The following DCT variants were observed in gnomAD, a reference collection of about 807,000 sequenced individuals.
DCT encodes the protein L-dopachrome tautomerase.
A neutral mutation model predicts 53.0 loss-of-function variants in DCT; 47 were observed. That is an observed-to-expected ratio of 0.89 (90% CI 0.70 to 1.13). The LOEUF (loss-of-function observed/expected upper bound fraction) is 1.13, where lower values mean the gene tolerates loss of function less well. Ranked by LOEUF, DCT falls within the 50% of genes most tolerant of loss-of-function variation. DCT has a pLI of 0.00. For missense variants in DCT, 669 were observed against 637.4 expected (o/e 1.05, Z -0.53); for synonymous variants, 244 against 237.0 (o/e 1.03, Z -0.27).
At chr13:94,503,874 A>G in the DCT span, among the ~76,000 whole-genome samples, 7 of 152,278 alleles carry the variant, frequency 4.6e-5, no homozygotes, top group African/African-American at 1.7e-4. Context: ...TGCTCATACA[A>G]TTTTCAAGTG....
chr13:94,518,655 A>G, the DCT span, among the ~76,000 whole-genome samples: 11 of 152,218 alleles, frequency 7.2e-5, no homozygotes, highest in African/African-American at 2.7e-4. Context: ...GACCTGGGAC[A>G]ATAGCCTCTG....
At chr13:94,463,245 T>C (rs1025651566) in intron 4 of DCT, among the ~76,000 whole-genome samples, 1 of 151,546 alleles carries the variant, frequency 6.6e-6, no homozygotes, top group Non-Finnish European at 1.5e-5. Context: ...CAAGCAATCC[T>C]CCTGCCTCAG....
At chr13:94,460,030 A>T in intron 6 of DCT, 61 bp downstream of exon 6, 1 of 1,520,760 alleles carries the variant, frequency 6.6e-7, no homozygotes, top group Non-Finnish European at 9.1e-7. Context: ...TAATTGTATG[A>T]AAAAATAAAT....
chr13:94,483,703 T>C (rs1241221406), upstream of DCT, among the ~76,000 whole-genome samples: 4 of 152,124 alleles, frequency 2.6e-5, no homozygotes, highest in East Asian at 1.9e-4. Context: ...AGTTTCACCA[T>C]GTTGGCCAGG....
chr13:94,494,582 T>A, the DCT span, among the ~76,000 whole-genome samples: 1 of 152,166 alleles, frequency 6.6e-6, no homozygotes, highest in Non-Finnish European at 1.5e-5. Flanking sequence ...AACCCTTTAC[T>A]CGCTAGCCTC....
the DCT span, among the ~76,000 whole-genome samples, chr13:94,503,734 A>C: frequency 1.3e-5 from 2 of 152,224 alleles, no homozygotes; most frequent in African/African-American, 4.8e-5. Context: ...CCTTGATTTC[A>C]GACTTCTGGC....
In DCT at chr13:94,443,437, T is replaced by C. The variant is rs749533562; in HGVS notation, c.1380A>G (p.Pro460=). The change falls in exon 7 of 8, where the codon CCA becomes CCG. Residue 460 remains proline (P), a splice_region_variant and synonymous_variant. Coordinates refer to ENST00000377028, the MANE Select transcript of DCT (RefSeq NM_001922.5). ...QLGYSYAIDL[P]VSVEETPGWP... is the part of the protein sequence containing the mutation. ...CCATTTGGAAGTTGTGTTAGTTACCTGGCAGATCGATGGCATAGCTGTAGC... is the reference window on the plus strand; with the variant it reads ...CCATTTGGAAGTTGTGTTAGTTACCCGGCAGATCGATGGCATAGCTGTAGC... 5.6e-6 allele frequency: 9 copies of C among 1,609,916 alleles called. No individual in the cohort carries two copies. The highest frequency in any genetic ancestry group is 1.7e-5 in the Admixed American group (1 of 59,992).
chr13:94,439,660 C>A lies in DCT; in HGVS notation c.*238G>T. The A allele has an allele frequency of 3.2e-6, 1 of 315,856 alleles. No homozygotes were observed. Among genetic ancestry groups the A allele is most frequent in the Non-Finnish European group, 5.8e-6 (1 of 173,368 alleles). 19.6% of individuals were successfully genotyped at this position (315,856 alleles called of 1,614,324 possible). ...GTTATTATTAGATATCACAAATTGT[C>A]AGGTCTATCTTTATTTGAAGGTAGA... On this transcript the variant is annotated 3_prime_UTR_variant, in exon 8 of 8. Transcript: ENST00000377028.
chr13:94,524,872 T>A, the DCT span, among the ~76,000 whole-genome samples: 14 of 152,024 alleles, frequency 9.2e-5, no homozygotes, highest in Non-Finnish European at 1.8e-4. Flanking sequence ...TCCAATATGA[T>A]CCGTACCCAT....
At chr13:94,547,805 C>A in the DCT span, among the ~76,000 whole-genome samples, 1 of 151,284 alleles carries the variant, frequency 6.6e-6, no homozygotes, top group East Asian at 1.9e-4. Flanking sequence ...GCCTGGCCAA[C>A]ATAGCAAAAA....
At chr13:94,502,603 C>T in the DCT span, among the ~76,000 whole-genome samples, 3 of 152,190 alleles carry the variant, frequency 2.0e-5, no homozygotes, top group African/African-American at 4.8e-5. Flanking sequence ...GCCAGTCCTT[C>T]GCTTGCTTGG....
chr13:94,441,765 G>T (rs564576345), intron 7 of DCT, among the ~76,000 whole-genome samples: 3 of 152,300 alleles, frequency 2.0e-5, no homozygotes, highest in African/African-American at 7.2e-5. Flanking sequence ...CACTTGGTTT[G>T]CATCTACCTT....
chr13:94,503,681 G>A, the DCT span, among the ~76,000 whole-genome samples: 1 of 152,150 alleles, frequency 6.6e-6, no homozygotes, highest in Non-Finnish European at 1.5e-5. Context: ...GACAGGATGG[G>A]TTCTACCCTA....
intron 1 of DCT, among the ~76,000 whole-genome samples, chr13:94,474,848 G>A (rs10444613): frequency 1.1e-3 from 174 of 152,190 alleles, no homozygotes; most frequent in African/African-American, 4.1e-3. Context: ...CTACTTATTA[G>A]GCTGAAATTA....
the DCT span, among the ~76,000 whole-genome samples, chr13:94,538,578 G>A: frequency 2.6e-5 from 4 of 152,146 alleles, no homozygotes; most frequent in East Asian, 5.8e-4. Flanking sequence ...TGCATTATCC[G>A]TCTTTGCTAC....
chr13:94,503,008 T>C, the DCT span, among the ~76,000 whole-genome samples: 6 of 152,318 alleles, frequency 3.9e-5, no homozygotes, highest in South Asian at 6.2e-4. Flanking sequence ...TTAAATAATG[T>C]CTGCCAAAAT....
the DCT span, among the ~76,000 whole-genome samples, chr13:94,488,751 C>T: frequency 2.7e-5 from 4 of 150,102 alleles, no homozygotes; most frequent in African/African-American, 7.5e-5. Context: ...CACACACACA[C>T]ACACACACAC....
At chr13:94,472,533 TATATATATATATATATATATATATATATA>T (rs1884730666) in intron 1 of DCT, among the ~76,000 whole-genome samples, 1 of 19,746 alleles carries the variant, frequency 5.1e-5, no homozygotes, top group Non-Finnish European at 8.8e-5. Context: ...TATATATATA[TATATATATATATATATATATATATATATA>T]TATATATTTT....
chr13:94,505,948 T>C, the DCT span, among the ~76,000 whole-genome samples: 1 of 152,172 alleles, frequency 6.6e-6, no homozygotes, highest in Non-Finnish European at 1.5e-5. Context: ...AGCCTTAAGA[T>C]TACTACAGCC....
Sources: allele counts gnomAD v4.1 joint callset (sites outside exome capture counted in the v4.1 genomes callset), GRCh38; gene constraint gnomAD v4.1.1; transcripts MANE v1.5; gene names NCBI Gene and HGNC (gene_info 2026-07-23, HGNC 2026-07-21).